The following PPARGC1A variants were observed in gnomAD, a reference collection of about 807,000 sequenced individuals.
PPARGC1A encodes the protein peroxisome proliferator-activated receptor gamma coactivator 1-alpha.
PPARGC1A carries 25 observed loss-of-function variants against 88.7 expected under a neutral mutation model. The ratio of observed to expected loss-of-function variants is 0.28; its 90% CI spans 0.21 to 0.39. PPARGC1A has a LOEUF of 0.39. Among genes scored for constraint, PPARGC1A ranks in the 10% least tolerant of loss-of-function variants. The pLI, the probability that PPARGC1A is intolerant of heterozygous loss-of-function variation, is 1.00. For synonymous variants in PPARGC1A, 363 were observed against 355.6 expected (o/e 1.02, Z -0.24); for missense variants, 880 against 968.7 (o/e 0.91, Z 1.22).
chr4:24,050,194 C>CT, the PPARGC1A span, among the ~76,000 whole-genome samples: 4,275 of 127,764 alleles, frequency 0.033, 417 homozygotes, highest in African/African-American at 0.077. Flanking sequence ...CTTAGGTGAC[C>CT]TTTTGTTTTT....
At chr4:24,197,227 G>C in the PPARGC1A span, among the ~76,000 whole-genome samples, 1 of 152,210 alleles carries the variant, frequency 6.6e-6, no homozygotes, top group Non-Finnish European at 1.5e-5. Context: ...TCTGATCTTT[G>C]CTATTTTCCA....
chr4:24,305,150 C>T, the PPARGC1A span, among the ~76,000 whole-genome samples: 8 of 87,764 alleles, frequency 9.1e-5, no homozygotes, highest in East Asian at 3.9e-4. Context: ...TATATATATA[C>T]ATACACACAT....
the PPARGC1A span, among the ~76,000 whole-genome samples, chr4:24,145,606 A>T: frequency 2.6e-5 from 4 of 152,224 alleles, no homozygotes; most frequent in Non-Finnish European, 4.4e-5. Context: ...CAGCTTGGGT[A>T]ATCCCATTTG....
the PPARGC1A span, among the ~76,000 whole-genome samples, chr4:24,247,721 C>T: frequency 3.9e-5 from 6 of 152,110 alleles, no homozygotes; most frequent in Non-Finnish European, 5.9e-5. Context: ...TGCAATCATT[C>T]GTTATTATTG....
At chr4:23,848,556 T>C (rs1728705695) in intron 2 of PPARGC1A, among the ~76,000 whole-genome samples, 1 of 152,134 alleles carries the variant, frequency 6.6e-6, no homozygotes, top group African/African-American at 2.4e-5. Flanking sequence ...GGAATAGATC[T>C]GCACACGATA....
chr4:24,047,972 GT>G, the PPARGC1A span, among the ~76,000 whole-genome samples: 1,749 of 152,288 alleles, frequency 0.011, 17 homozygotes, highest in Non-Finnish European at 0.018. Context: ...ATTGAACTTA[GT>G]GGGTAAATGG....
At chr4:24,009,194 A>G in the PPARGC1A span, among the ~76,000 whole-genome samples, 1 of 146,996 alleles carries the variant, frequency 6.8e-6, no homozygotes, top group South Asian at 2.2e-4. Context: ...TCATTATTTT[A>G]TATCAATTTT....
the PPARGC1A span, among the ~76,000 whole-genome samples, chr4:24,343,793 A>ATGAGTAAG: frequency 6.6e-6 from 1 of 151,696 alleles, no homozygotes; most frequent in African/African-American, 2.4e-5. Context: ...ATTTGGTTAC[A>ATGAGTAAG]TGAGTAAGTT....
At chr4:24,361,757 T>C in the PPARGC1A span, among the ~76,000 whole-genome samples, 5 of 152,216 alleles carry the variant, frequency 3.3e-5, no homozygotes, top group Admixed American at 3.3e-4. Flanking sequence ...AGCATTCGTA[T>C]CCCACGTTAC....
the PPARGC1A span, among the ~76,000 whole-genome samples, chr4:24,285,835 T>G: frequency 6.6e-6 from 1 of 152,312 alleles, no homozygotes; most frequent in South Asian, 2.1e-4. Flanking sequence ...TCCAATGCAG[T>G]CATGAGGATA....
At chr4:24,341,869 T>A in the PPARGC1A span, among the ~76,000 whole-genome samples, 1 of 152,134 alleles carries the variant, frequency 6.6e-6, no homozygotes, top group African/African-American at 2.4e-5. Flanking sequence ...ATCTATTAAG[T>A]GGTTGTTGAG....
chr4:23,900,094 A>T (rs73803408), upstream of PPARGC1A, among the ~76,000 whole-genome samples: 2,623 of 152,216 alleles, frequency 0.017, 75 homozygotes, highest in African/African-American at 0.059. Context: ...CTTGGAGCAG[A>T]AATCAAAGGA....
the PPARGC1A span, among the ~76,000 whole-genome samples, chr4:24,188,097 A>G: frequency 6.6e-6 from 1 of 152,336 alleles, no homozygotes; most frequent in East Asian, 1.9e-4. Context: ...TATAATTCCA[A>G]TGTGTAAGGC....
chr4:24,271,771 T>C, the PPARGC1A span, among the ~76,000 whole-genome samples: 1 of 152,176 alleles, frequency 6.6e-6, no homozygotes. Flanking sequence ...AACATAGTAG[T>C]ACCTACCTTG....
In PPARGC1A at chr4:23,824,456, T is replaced by C. The variant is rs112341453; in HGVS notation, c.803+7A>G. On this transcript the variant is annotated splice_region_variant and intron_variant, in intron 6 of 12. Transcript: ENST00000264867. ...TTCAGAAAATGGTTACATTTCTTAA[T>C]ACTTACTTTGGTGACTCTGGGGTCA... is the stretch of plus-strand genomic sequence containing the variant. 1 of 1,610,394 alleles carries C rather than the reference T, an allele frequency of 6.2e-7. No individual in the cohort carries two copies. The highest frequency in any genetic ancestry group is 8.5e-7 in the Non-Finnish European group (1 of 1,176,808).
chr4:23,980,486 TCTC>T, the PPARGC1A span, among the ~76,000 whole-genome samples: 14 of 152,156 alleles, frequency 9.2e-5, 1 homozygote, highest in African/African-American at 1.7e-4. Context: ...ACTTAACAAA[TCTC>T]CTAATCTTTG....
upstream of PPARGC1A, among the ~76,000 whole-genome samples, chr4:23,893,162 C>T (rs1262761054): frequency 3.0e-5 from 4 of 133,234 alleles, no homozygotes; most frequent in South Asian, 2.6e-4. Flanking sequence ...GAATCTATCT[C>T]GAGTTGCTAA....
At chr4:23,843,814 T>C (rs1260845083) in intron 2 of PPARGC1A, among the ~76,000 whole-genome samples, 1 of 152,064 alleles carries the variant, frequency 6.6e-6, no homozygotes, top group Admixed American at 6.6e-5. Flanking sequence ...TGCTTGCCAG[T>C]TATTACACAG....
the PPARGC1A span, among the ~76,000 whole-genome samples, chr4:24,084,410 G>A: frequency 6.6e-6 from 1 of 152,380 alleles, no homozygotes; most frequent in African/African-American, 2.4e-5. Context: ...ATCAAGAAAG[G>A]AAGGCTGATT....
Sources: gnomAD v4.1 joint callset for allele counts (sites outside exome capture counted in the v4.1 genomes callset) on GRCh38, gnomAD v4.1.1 for gene constraint, MANE v1.5 for transcripts, NCBI Gene and HGNC (gene_info 2026-07-23, HGNC 2026-07-21) for gene names.